The following CNTNAP2 variants were observed in gnomAD, a reference collection of about 807,000 sequenced individuals.
The protein encoded by CNTNAP2 is contactin associated protein 2.
CNTNAP2 carries 98 observed loss-of-function variants against 155.2 expected under a neutral mutation model. The observed-to-expected ratio is 0.63, with a 90% confidence interval of 0.54 to 0.75. The LOEUF (loss-of-function observed/expected upper bound fraction) is 0.75, where lower values mean the gene tolerates loss of function less well. Ranked by LOEUF, CNTNAP2 falls within the 30% of genes least tolerant of loss-of-function variation. The pLI, the probability that CNTNAP2 is intolerant of heterozygous loss-of-function variation, is 0.00. For synonymous variants in CNTNAP2, 651 were observed against 631.2 expected, an observed-to-expected ratio of 1.03 and a Z score of -0.47; for missense variants, 1,727 against 1,688.1, an observed-to-expected ratio of 1.02 and a Z score of -0.40.
rs573459590 is a variant in CNTNAP2 at position 146,668,428 on chromosome 7, C to CTGTGTGTG, written c.98-105805_98-105798dup. Among the ~76,000 whole-genome samples the CTGTGTGTG allele has an allele frequency of 9.0e-4, 104 of 115,572 alleles. 2 individuals carry two copies. Among genetic ancestry groups the CTGTGTGTG allele is most frequent in the Middle Eastern group, 4.4e-3 (1 of 228 alleles). The allele number at this position is 115,572 out of a possible 152,430, so 75.8% of individuals were successfully genotyped here. A position where few individuals can be genotyped will look rare whatever the true frequency, so the allele number is the denominator to read the frequency against. On this transcript the variant is annotated intron_variant, in intron 1 of 23. Transcript: ENST00000361727. Reference sequence around the variant, plus strand: ...TCAGAGGTATTGGCCTGTAATTTTCCTGTGTGTGTGTGTGTGTGTGTGTGT... The same window carrying CTGTGTGTG: ...TCAGAGGTATTGGCCTGTAATTTTCCTGTGTGTGTGTGTGTGTGTGTGTGTGTGTGTGT...
At chr7:147,494,320 CA>C (rs1023091953) in intron 11 of CNTNAP2, among the ~76,000 whole-genome samples, 6 of 152,246 alleles carry the variant, frequency 3.9e-5, no homozygotes, top group African/African-American at 1.4e-4. Flanking sequence ...AGGACCTCTA[CA>C]TTTCTAAGGC....
chr7:147,828,773 G>A (rs1272749646), intron 13 of CNTNAP2, among the ~76,000 whole-genome samples: 2 of 152,078 alleles, frequency 1.3e-5, no homozygotes, highest in East Asian at 3.9e-4. Flanking sequence ...AGTCTTAAAT[G>A]TCCTAGTTTC....
chr7:146,947,448 A>G (rs1797203397), intron 3 of CNTNAP2, among the ~76,000 whole-genome samples: 1 of 130,994 alleles, frequency 7.6e-6, no homozygotes, highest in South Asian at 2.5e-4. Context: ...ACACACACAC[A>G]TATATCTTTC....
intron 18 of CNTNAP2, among the ~76,000 whole-genome samples, chr7:148,208,636 A>C (rs1795493821): frequency 6.6e-6 from 1 of 152,190 alleles, no homozygotes; most frequent in Admixed American, 6.5e-5. Context: ...GGTAACTACG[A>C]AGTTCATGAA....
chr7:146,572,003 G>A (rs1249815678), intron 1 of CNTNAP2, among the ~76,000 whole-genome samples: 1 of 152,198 alleles, frequency 6.6e-6, no homozygotes, highest in East Asian at 1.9e-4. Flanking sequence ...ACAGGTGTGA[G>A]CCACCGCACC....
chr7:146,344,729 C>T lies in CNTNAP2; in HGVS notation c.97+227756C>T, dbSNP rs147575036. Among the ~76,000 whole-genome samples, 80 of 152,288 alleles carry T rather than the reference C, an allele frequency of 5.3e-4. 1 individual carries two copies. The highest frequency in any genetic ancestry group is 1.4e-3 in the African/African-American group (59 of 41,568). Reference sequence around the variant, plus strand: ...CCTGACCTAAGGGATCAGCCCACCTCGGCCTCCCAAAGTGCTGGATTGCTG... The same window carrying T: ...CCTGACCTAAGGGATCAGCCCACCTTGGCCTCCCAAAGTGCTGGATTGCTG... On this transcript the variant is annotated intron_variant, in intron 1 of 23. Transcript: ENST00000361727.
chr7:146,415,249 TACAC>T (rs1434031645), intron 1 of CNTNAP2, among the ~76,000 whole-genome samples: 5 of 152,066 alleles, frequency 3.3e-5, no homozygotes, highest in Middle Eastern at 3.4e-3. Flanking sequence ...CACACACACA[TACAC>T]ACAATGATCA....
chr7:147,412,585 T>G (rs2116490850), intron 10 of CNTNAP2, among the ~76,000 whole-genome samples: 1 of 152,324 alleles, frequency 6.6e-6, no homozygotes, highest in Admixed American at 6.5e-5. Flanking sequence ...TGTGTCTCTG[T>G]GCCTAACACA....
At chr7:148,387,535 G>A (rs1799239821) in intron 22 of CNTNAP2, among the ~76,000 whole-genome samples, 1 of 152,148 alleles carries the variant, frequency 6.6e-6, no homozygotes, top group Non-Finnish European at 1.5e-5. Flanking sequence ...TGCCTTGGAA[G>A]TTTATTCCTC....
intron 15 of CNTNAP2, among the ~76,000 whole-genome samples, chr7:148,079,522 C>T (rs905482753): frequency 3.9e-5 from 6 of 152,144 alleles, no homozygotes; most frequent in Non-Finnish European, 5.9e-5. Context: ...TGTTTCTTAT[C>T]AGACTTAAAA....
At chr7:146,428,640 T>C (rs1009704265) in intron 1 of CNTNAP2, among the ~76,000 whole-genome samples, 1 of 152,076 alleles carries the variant, frequency 6.6e-6, no homozygotes, top group Non-Finnish European at 1.5e-5. Context: ...TTGTAGCCTC[T>C]GTATATTAGA....
Position 146,680,204 on chromosome 7 carries a change from C to G in CNTNAP2, c.98-94067C>G, listed in dbSNP as rs187631431. 2.0e-4 allele frequency among the ~76,000 whole-genome samples: 30 copies of G among 152,124 alleles called. No homozygotes were observed. The East Asian group carries it at 5.6e-3, about 28-fold the overall frequency. Reference sequence around the variant, plus strand: ...TTAGGTGATTTTGTCAAGGGCAGTTCGTTTGTGAGCAATAGAATCAAGATT... The same window carrying G: ...TTAGGTGATTTTGTCAAGGGCAGTTGGTTTGTGAGCAATAGAATCAAGATT... On this transcript the variant is annotated intron_variant, in intron 1 of 23. Transcript: ENST00000361727.
intron 3 of CNTNAP2, among the ~76,000 whole-genome samples, chr7:146,875,934 CAAAAAAAAAA>C (rs56304234): frequency 2.3e-3 from 129 of 55,132 alleles, no homozygotes; most frequent in African/African-American, 7.6e-3. Flanking sequence ...ACATACACAG[CAAAAAAAAAA>C]AAAAAAAAAA....
At chr7:148,010,174 A>T (rs1802051847) in intron 15 of CNTNAP2, among the ~76,000 whole-genome samples, 1 of 151,894 alleles carries the variant, frequency 6.6e-6, no homozygotes, top group Admixed American at 6.6e-5. Context: ...GGTGAGACTG[A>T]GCATATTTTC....
chr7:146,523,736 A>G lies in CNTNAP2; in HGVS notation c.98-250535A>G, dbSNP rs371653980. 2.0e-5 allele frequency among the ~76,000 whole-genome samples: 3 copies of G among 152,272 alleles called. No individual in the cohort carries two copies. In the East Asian group the frequency reaches 5.8e-4, roughly 29 times the overall value. On this transcript the variant is annotated intron_variant, in intron 1 of 23. Transcript: ENST00000361727. The stretch of plus-strand genomic sequence containing the variant: ...CCTATTGTTAAAGCTTCAGATTATT[A>G]AAGTTTCAACAGCAACCCTGTCGAA...
intron 3 of CNTNAP2, among the ~76,000 whole-genome samples, chr7:146,931,884 C>G (rs986574433): frequency 2.6e-5 from 4 of 152,098 alleles, no homozygotes; most frequent in Non-Finnish European, 5.9e-5. Flanking sequence ...AAGACTAATC[C>G]AGGAAGAAGT....
chr7:148,357,146 G>T (rs780866944), intron 21 of CNTNAP2, among the ~76,000 whole-genome samples: 1 of 152,132 alleles, frequency 6.6e-6, no homozygotes, highest in Non-Finnish European at 1.5e-5. Flanking sequence ...GGGACCCAGT[G>T]GGACGTAATT....
rs980529936 is a variant in CNTNAP2 at position 146,399,830 on chromosome 7, T to C, written c.97+282857T>C. The stretch of plus-strand genomic sequence containing the variant: ...CGCCCTTGCCACATTCTTGCAACTC[T>C]TGTTTTCCTCTTAATTTTATTATTT... On this transcript the variant is annotated intron_variant, in intron 1 of 23. Coordinates refer to ENST00000361727, the MANE Select transcript of CNTNAP2 (RefSeq NM_014141.6). Among the ~76,000 whole-genome samples, 3 of 152,206 alleles carry C rather than the reference T, an allele frequency of 2.0e-5. 1 individual carries two copies. In the South Asian group the frequency reaches 6.2e-4, roughly 31 times the overall value.
chr7:146,829,378 C>A (rs1197360658), intron 2 of CNTNAP2, among the ~76,000 whole-genome samples: 1 of 151,786 alleles, frequency 6.6e-6, no homozygotes, highest in East Asian at 1.9e-4. Flanking sequence ...GTCTGCAGAA[C>A]CATTGAAGGA....
Sources: gnomAD v4.1 joint callset for allele counts (sites outside exome capture counted in the v4.1 genomes callset) on GRCh38, gnomAD v4.1.1 for gene constraint, MANE v1.5 for transcripts, NCBI Gene and HGNC (gene_info 2026-07-23, HGNC 2026-07-21) for gene names.